The following ADK variants were observed in gnomAD, a reference collection of about 807,000 sequenced individuals.
The protein encoded by ADK is adenosine kinase.
ADK carries 24 observed loss-of-function variants against 44.7 expected under a neutral mutation model. The observed-to-expected ratio is 0.54, with a 90% CI of 0.39 to 0.76. The LOEUF is 0.76. ADK is among the 30% of genes least tolerant of loss of function. ADK has a pLI of 0.00. For synonymous variants in ADK, 128 were observed against 142.6 expected (o/e 0.90, Z 0.73); for missense variants, 321 against 425.1 (o/e 0.76, Z 2.15).
chr10:74,385,847 G>A (rs955237755), intron 4 of ADK, among the ~76,000 whole-genome samples: 30 of 152,118 alleles, frequency 2.0e-4, no homozygotes, highest in African/African-American at 1.4e-4. Context: ...AATATTCCCC[G>A]AATCTGTTCT....
At chr10:74,691,709 C>T (rs1264455059) in intron 10 of ADK, among the ~76,000 whole-genome samples, 2 of 51,958 alleles carry the variant, frequency 3.8e-5, no homozygotes, top group East Asian at 1.2e-3. Context: ...GTTGACAAAG[C>T]ACGCAACAGA....
chr10:74,529,158 A>G (rs894368576), intron 7 of ADK: 1 of 152,228 alleles, frequency 6.6e-6, no homozygotes, highest in African/African-American at 2.4e-5. Context: ...TATATATACA[A>G]TGGAGTATTA....
At chr10:74,328,824 A>G (rs1208320026) in intron 4 of ADK, among the ~76,000 whole-genome samples, 1 of 151,988 alleles carries the variant, frequency 6.6e-6, no homozygotes, top group Non-Finnish European at 1.5e-5. Flanking sequence ...AGTCTTGGAT[A>G]TTTCTTTATA....
rs1843591994 is a variant in ADK, at chr10:74,398,420, A to G, written c.447-51A>G. ...AATATTGGTAATTATCTATTGAAAC[A>G]TATGCTAAGTTTGACTATAATATTA... On this transcript the variant is annotated intron_variant, in intron 5 of 10. Transcript: ENST00000539909. 4 of 1,266,150 alleles carry G rather than the reference A, an allele frequency of 3.2e-6. No homozygotes were observed. In the East Asian group the frequency reaches 7.1e-5, roughly 23 times the overall value. 78.4% of individuals were successfully genotyped at this position (1,266,150 alleles called of 1,614,324 possible).
intron 7 of ADK, among the ~76,000 whole-genome samples, chr10:74,549,916 T>A (rs1849970930): frequency 6.6e-6 from 1 of 152,204 alleles, no homozygotes; most frequent in Non-Finnish European, 1.5e-5. Context: ...TCCTGATTCT[T>A]TGACCCTCTT....
chr10:74,371,905 T>C, intron 4 of ADK: 4 of 1,468,362 alleles, frequency 2.7e-6, no homozygotes, highest in East Asian at 4.5e-5. Flanking sequence ...CTTCTTGTGG[T>C]TACTGACCCC....
chr10:74,683,726 A>C (rs1855697602), intron 10 of ADK, among the ~76,000 whole-genome samples: 1 of 152,256 alleles, frequency 6.6e-6, no homozygotes, highest in African/African-American at 2.4e-5. Context: ...GAAATGCATT[A>C]TTCAATTGAA....
rs11001041 is a variant in ADK at position 74,464,457 on chromosome 10, A to G, written c.556-60799A>G. On this transcript the variant is annotated intron_variant, in intron 6 of 10. Transcript: ENST00000539909. ...TCCCAGCTACTTGGGAGGCTGAAGC[A>G]AGAGGATCAAGAGGATCACTTGAGC... Among the ~76,000 whole-genome samples the G allele has an allele frequency of 8.8e-3, 1,339 of 152,240 alleles. 56 individuals are homozygous for G. The East Asian group carries it at 0.13, about 14-fold the overall frequency.
intron 3 of ADK, among the ~76,000 whole-genome samples, chr10:74,275,986 A>G (rs1846657477): frequency 6.6e-6 from 1 of 152,160 alleles, no homozygotes; most frequent in African/African-American, 2.4e-5. Context: ...CTTGAGTTTC[A>G]ACCAGCTTTA....
intron 3 of ADK, among the ~76,000 whole-genome samples, chr10:74,256,976 G>A (rs1341282221): frequency 6.6e-6 from 1 of 152,094 alleles, no homozygotes; most frequent in African/African-American, 2.4e-5. Context: ...CATAATATGT[G>A]TAAACCAAAA....
chr10:74,319,099 G>A (rs1840726657), intron 4 of ADK, among the ~76,000 whole-genome samples: 1 of 152,092 alleles, frequency 6.6e-6, no homozygotes, highest in South Asian at 2.1e-4. Context: ...TATTTCTTAG[G>A]CAAAAAGAAG....
chr10:74,171,518 C>T (rs1842159167), intron 1 of ADK, among the ~76,000 whole-genome samples: 1 of 152,078 alleles, frequency 6.6e-6, no homozygotes, highest in Non-Finnish European at 1.5e-5. Context: ...TATCTGATTG[C>T]TTTTATAGGG....
rs117145870 is a variant in ADK, at chr10:74,295,987, C to T, written c.195-18680C>T. 7.3e-3 allele frequency among the ~76,000 whole-genome samples: 1,100 copies of T among 150,844 alleles called. 6 individuals are homozygous for T. Among genetic ancestry groups the T allele is most frequent in the Middle Eastern group, 0.014 (4 of 284 alleles). ...TGTAAGAGTTCATCAATTTTATTAGCGTTTCAAAGAACTAACTTTGGCTTT... is the reference window on the plus strand; with the variant it reads ...TGTAAGAGTTCATCAATTTTATTAGTGTTTCAAAGAACTAACTTTGGCTTT... On this transcript the variant is annotated intron_variant, in intron 3 of 10. Transcript: ENST00000539909.
chr10:74,348,549 C>A lies in ADK; in HGVS notation c.273+33804C>A, dbSNP rs72818545. On this transcript the variant is annotated intron_variant, in intron 4 of 10. Transcript: ENST00000539909. ...CTTTGCCTCCAAATAATTGCAGCTC[C>A]TCTCCAGCAAGGGCACAAAACTGGA... Among the ~76,000 whole-genome samples, 700 of 152,098 alleles carry A rather than the reference C, an allele frequency of 4.6e-3. 6 individuals are homozygous for A. Among genetic ancestry groups the A allele is most frequent in the Non-Finnish European group, 8.0e-3 (544 of 68,004 alleles).
At chr10:74,356,179 C>T (rs11001011) in intron 4 of ADK, among the ~76,000 whole-genome samples, 93,335 of 146,166 alleles carry the variant, frequency 0.64, 31,021 homozygotes, top group Middle Eastern at 0.79. Context: ...CCACCGCGCC[C>T]GGCTAATTTT....
At chr10:74,602,197 G>T (rs2133969703) in intron 9 of ADK, among the ~76,000 whole-genome samples, 1 of 149,496 alleles carries the variant, frequency 6.7e-6, no homozygotes, top group Admixed American at 6.7e-5. Context: ...ATCTTTTATT[G>T]TGATGGCAAG....
Position 74,515,760 on chromosome 10 carries a change from T to C in ADK, c.556-9496T>C, listed in dbSNP as rs534643567. On this transcript the variant is annotated intron_variant, in intron 6 of 10. Coordinates refer to ENST00000539909, the MANE Select transcript of ADK (RefSeq NM_006721.4). ...CTGCTTAGAGAAGGGAGCCCAGCAGTTTGGCCAGCTTAAGAGCAGGCTTGC... is the reference window on the plus strand; with the variant it reads ...CTGCTTAGAGAAGGGAGCCCAGCAGCTTGGCCAGCTTAAGAGCAGGCTTGC... Among the ~76,000 whole-genome samples the C allele has an allele frequency of 3.3e-5, 5 of 152,166 alleles. 1 individual carries two copies. Among genetic ancestry groups the C allele is most frequent in the African/African-American group, 1.2e-4 (5 of 41,522 alleles).
chr10:74,687,414 A>C (rs935282718), intron 10 of ADK, among the ~76,000 whole-genome samples: 1 of 152,248 alleles, frequency 6.6e-6, no homozygotes, highest in African/African-American at 2.4e-5. Context: ...CAATGTCATC[A>C]GTAGGACACT....
intron 6 of ADK, among the ~76,000 whole-genome samples, chr10:74,459,304 A>C (rs992325164): frequency 3.3e-5 from 5 of 152,040 alleles, no homozygotes; most frequent in African/African-American, 7.2e-5. Context: ...ATTTATTTCC[A>C]ATCAGTTGGA....
Sources: allele counts gnomAD v4.1 joint callset (sites outside exome capture counted in the v4.1 genomes callset), GRCh38; gene constraint gnomAD v4.1.1; transcripts MANE v1.5; gene names NCBI Gene and HGNC (gene_info 2026-07-23, HGNC 2026-07-21).